NRXN1: variants seen among roughly 807,000 people sequenced by gnomAD.
NRXN1 encodes the protein neurexin-1.
NRXN1 carries 39 observed loss-of-function variants against 150.9 expected under a neutral mutation model. That is an observed-to-expected ratio of 0.26 (90% CI 0.20 to 0.34). The LOEUF (loss-of-function observed/expected upper bound fraction) is 0.34. Ranked by LOEUF, NRXN1 falls within the 10% of genes least tolerant of loss-of-function variation. The pLI is 1.00. For synonymous variants in NRXN1, 924 were observed against 757.0 expected, an observed-to-expected ratio of 1.22 and a Z score of -3.62; for missense variants, 1,815 against 1,949.9, an observed-to-expected ratio of 0.93 and a Z score of 1.30.
At chr2:50,984,697 T>A (rs1482436386) in intron 2 of NRXN1, among the ~76,000 whole-genome samples, 1 of 152,116 alleles carries the variant, frequency 6.6e-6, no homozygotes. Flanking sequence ...TATTGCCCTG[T>A]ATCTTTAATA....
rs866098550 is a variant in NRXN1, at chr2:50,828,315, A to C, written c.832+93554T>G. On this transcript the variant is annotated intron_variant, in intron 5 of 22. Coordinates refer to ENST00000401669, the MANE Select transcript of NRXN1 (RefSeq NM_001330078.2). ...CTCCCGGACGGGGCGGCTGGCCGGG[A>C]GGGGGCTGAACCCCCCGCCTCCCTC... 2.1e-5 allele frequency among the ~76,000 whole-genome samples: 3 copies of C among 142,394 alleles called. No individual in the cohort carries two copies. In the South Asian group the frequency reaches 6.8e-4, roughly 32 times the overall value. The allele number at this position is 142,394 out of a possible 152,430, so 93.4% of individuals were successfully genotyped here.
At chr2:50,101,561 T>G (rs892888883) in intron 18 of NRXN1, among the ~76,000 whole-genome samples, 8 of 152,000 alleles carry the variant, frequency 5.3e-5, no homozygotes, top group African/African-American at 9.7e-5. Context: ...GATTGTAATT[T>G]TAGTCCTCTG....
chr2:50,918,919 G>C, intron 5 of NRXN1: 1 of 172,548 alleles, frequency 5.8e-6, no homozygotes, highest in Non-Finnish European at 1.2e-5. Context: ...GGTTGGCTTT[G>C]AATAACAGAT....
intron 2 of NRXN1, among the ~76,000 whole-genome samples, chr2:50,976,194 CTTT>C (rs576892115): frequency 7.2e-6 from 1 of 139,760 alleles, no homozygotes; most frequent in Non-Finnish European, 1.6e-5. Flanking sequence ...TTATGTTATT[CTTT>C]TTTTTTTTTT....
intron 17 of NRXN1, among the ~76,000 whole-genome samples, chr2:50,245,933 T>C (rs994998629): frequency 6.6e-6 from 1 of 151,798 alleles, no homozygotes; most frequent in East Asian, 1.9e-4. Flanking sequence ...TTTTTTTCTA[T>C]ACAACAAAAA....
At chr2:50,405,496 AAAT>A in intron 17 of NRXN1, among the ~76,000 whole-genome samples, 1 of 152,236 alleles carries the variant, frequency 6.6e-6, no homozygotes, top group African/African-American at 2.4e-5. Context: ...AAAACAATGA[AAAT>A]AAAGAAAATA....
intron 17 of NRXN1, among the ~76,000 whole-genome samples, chr2:50,246,884 C>T (rs1574716436): frequency 6.6e-6 from 1 of 151,874 alleles, no homozygotes; most frequent in African/African-American, 2.4e-5. Flanking sequence ...AGTATGCATC[C>T]TGAAGAAAGG....
intron 5 of NRXN1, among the ~76,000 whole-genome samples, chr2:50,680,222 A>G (rs946047208): frequency 1.3e-5 from 2 of 152,092 alleles, no homozygotes; most frequent in African/African-American, 4.8e-5. Context: ...CACTGAATAT[A>G]TAATTATAAT....
chr2:50,710,503 G>A (rs1695012183), intron 5 of NRXN1, among the ~76,000 whole-genome samples: 1 of 152,086 alleles, frequency 6.6e-6, no homozygotes, highest in South Asian at 2.1e-4. Flanking sequence ...TTTTCAGCAA[G>A]CTATTAGATG....
At chr2:50,942,617 G>A (rs1001425728) in intron 2 of NRXN1, among the ~76,000 whole-genome samples, 2 of 152,170 alleles carry the variant, frequency 1.3e-5, no homozygotes, top group African/African-American at 2.4e-5. Flanking sequence ...GCCCTGTTTG[G>A]TTTTAGATTT....
chr2:50,222,711 G>T (rs532149820), intron 18 of NRXN1, among the ~76,000 whole-genome samples: 1 of 151,852 alleles, frequency 6.6e-6, no homozygotes, highest in African/African-American at 2.4e-5. Flanking sequence ...GCTCTAAAAT[G>T]AAAAGATGTA....
chr2:50,481,876 C>T (rs1414540072), intron 15 of NRXN1, among the ~76,000 whole-genome samples: 22 of 131,994 alleles, frequency 1.7e-4, no homozygotes, highest in Non-Finnish European at 1.4e-4. Context: ...CGCTATTCTC[C>T]TGCCTCAGCC....
chr2:50,348,267 T>G (rs936329055), intron 17 of NRXN1, among the ~76,000 whole-genome samples: 8 of 152,110 alleles, frequency 5.3e-5, no homozygotes, highest in Admixed American at 3.9e-4. Context: ...TATAAGGCAG[T>G]GGAAGTTCAG....
chr2:50,315,246 C>T (rs1233829536), intron 17 of NRXN1, among the ~76,000 whole-genome samples: 2 of 151,988 alleles, frequency 1.3e-5, no homozygotes. Flanking sequence ...CAGGCAGCAG[C>T]TCCGTTTTTC....
intron 21 of NRXN1, among the ~76,000 whole-genome samples, chr2:50,033,980 A>G (rs561532960): frequency 6.6e-5 from 10 of 151,890 alleles, no homozygotes; most frequent in Admixed American, 1.3e-4. Context: ...AAAAAAAAAA[A>G]AAAAACAAAC....
intron 18 of NRXN1, among the ~76,000 whole-genome samples, chr2:50,141,878 T>G (rs1210398498): frequency 6.6e-6 from 1 of 152,064 alleles, no homozygotes; most frequent in African/African-American, 2.4e-5. Context: ...ACAGCCATTA[T>G]GGAAAACAAT....
chr2:50,008,160 G>A (rs1685076783), intron 21 of NRXN1, among the ~76,000 whole-genome samples: 1 of 152,104 alleles, frequency 6.6e-6, no homozygotes, highest in African/African-American at 2.4e-5. Flanking sequence ...TCCCAAAATA[G>A]GAGGTTCAAT....
At chr2:50,576,572 G>A (rs1671464478) in intron 8 of NRXN1, among the ~76,000 whole-genome samples, 1 of 151,776 alleles carries the variant, frequency 6.6e-6, no homozygotes, top group Non-Finnish European at 1.5e-5. Context: ...TTTTTTACTT[G>A]TAAATTCAAT....
At chr2:50,134,126 G>T (rs1705999534) in intron 18 of NRXN1, among the ~76,000 whole-genome samples, 1 of 152,108 alleles carries the variant, frequency 6.6e-6, no homozygotes, top group African/African-American at 2.4e-5. Flanking sequence ...GGACTTCAAA[G>T]TAGTCCAAGG....
Sources: allele counts gnomAD v4.1 joint callset (sites outside exome capture counted in the v4.1 genomes callset), GRCh38; gene constraint gnomAD v4.1.1; transcripts MANE v1.5; gene names NCBI Gene and HGNC (gene_info 2026-07-23, HGNC 2026-07-21).